The following CRAMP1 variants were observed in gnomAD, a reference collection of about 807,000 sequenced individuals.
CRAMP1 encodes protein cramped-like.
A neutral mutation model predicts 115.4 loss-of-function variants in CRAMP1; 50 were observed. The ratio of observed to expected loss-of-function variants is 0.43; its 90% confidence interval spans 0.35 to 0.55. The LOEUF (loss-of-function observed/expected upper bound fraction) is 0.55, where lower values mean the gene tolerates loss of function less well. Among genes scored for constraint, CRAMP1 ranks in the 20% least tolerant of loss-of-function variants. CRAMP1 has a pLI of 0.01. For synonymous variants in CRAMP1, 866 were observed against 745.4 expected (o/e 1.16, Z -2.64); for missense variants, 1,679 against 1,721.7 (o/e 0.98, Z 0.44).
intron 6 of CRAMP1, chr16:1,645,491 T>C (rs1295109366): frequency 6.2e-6 from 1 of 162,012 alleles, no homozygotes; most frequent in African/African-American, 2.4e-5. Context: ...TGCATTCGCG[T>C]GGTCCTTTTA....
In CRAMP1 at chr16:1,667,398, C is replaced by T. The variant is rs2036884914; in HGVS notation, c.3100C>T (p.Gln1034Ter). 2.5e-6 allele frequency: 4 copies of T among 1,611,994 alleles called. No individual in the cohort carries two copies. The highest frequency in any genetic ancestry group is 2.5e-6 in the Non-Finnish European group (3 of 1,179,314). Residue 1034 changes from glutamine (Q) to a stop codon, truncating the protein, a stop_gained and splice_region_variant, in exon 17 of 21, where the codon CAG becomes TAG. Coordinates refer to ENST00000397412, the MANE Select transcript of CRAMP1 (RefSeq NM_020825.4). LOFTEE classifies it high-confidence loss of function. ...PEQEPVADSF[Q>*]GSSVLSLSEL... ...GCAGGAGCCAGTGGCAGACAGTTTC[C>T]AGGTAGAGTGTGCTCTTGGGCTGCT... is the stretch of plus-strand genomic sequence containing the variant.
In CRAMP1 at chr16:1,666,015, T is replaced by G; in HGVS notation, c.2753-58T>G. Reference sequence around the variant, plus strand: ...AAGGAAGCCCCCTGCGGCCACATCCTGCTGTGAGGGCATGGCGGGCGGGCT... The same window carrying G: ...AAGGAAGCCCCCTGCGGCCACATCCGGCTGTGAGGGCATGGCGGGCGGGCT... On this transcript the variant is annotated intron_variant, in intron 14 of 20. Transcript: ENST00000397412. This position sits in a 1 kb window ranked among gnomAD's most constrained non-coding sequence, Gnocchi z 5.0. The G allele has an allele frequency of 8.3e-7, 1 of 1,200,222 alleles. No homozygotes were observed. Among genetic ancestry groups the G allele is most frequent in the Non-Finnish European group, 1.2e-6 (1 of 826,496 alleles). 74.3% of individuals were successfully genotyped at this position (1,200,222 alleles called of 1,614,324 possible).
chr16:1,637,852 C>T lies in CRAMP1; in HGVS notation c.723C>T (p.Ser241=). 1.3e-6 allele frequency: 2 copies of T among 1,568,592 alleles called. No homozygotes were observed. The highest frequency in any genetic ancestry group is 1.7e-6 in the Non-Finnish European group (2 of 1,159,570). ...TCTCTCGAGGCCTGAAGAAGTCATC[C>T]CAGGAACTGTATGGCCTGATCTGCT... ...HVFSRGLKKS[S]QELYGLICYG... Residue 241 remains serine, a synonymous_variant, in exon 5 of 21, where the codon TCC becomes TCT. Coordinates refer to ENST00000397412, the MANE Select transcript of CRAMP1 (RefSeq NM_020825.4).
chr16:1,649,015 T>C (rs905181090), intron 6 of CRAMP1, among the ~76,000 whole-genome samples: 4 of 151,180 alleles, frequency 2.6e-5, no homozygotes, highest in African/African-American at 7.3e-5. Context: ...GCTGAGATCA[T>C]GCCACTGCAG....
Position 1,632,514 on chromosome 16 carries a change from G to A in CRAMP1, c.694+149G>A, listed in dbSNP as rs1230672979. 3.7e-6 allele frequency: 3 copies of A among 810,534 alleles called. No individual in the cohort carries two copies. In the East Asian group the frequency reaches 8.1e-5, roughly 22 times the overall value. 50.2% of individuals were successfully genotyped at this position (810,534 alleles called of 1,614,324 possible). ...GGGGCTCCTCGCCTTGCAGCGCTTT[G>A]GCTGATTGTGTGCTGTCTAACTCGG... On this transcript the variant is annotated intron_variant, in intron 4 of 20. Coordinates refer to ENST00000397412, the MANE Select transcript of CRAMP1 (RefSeq NM_020825.4).
intron 10 of CRAMP1, among the ~76,000 whole-genome samples, 168 bp from the exon 11 acceptor site, chr16:1,659,718 A>G (rs12922803): frequency 0.18 from 27,060 of 152,214 alleles, 3,170 homozygotes; most frequent in African/African-American, 0.32. Context: ...GCAAGCTGCC[A>G]AGCGACTCTG....
At chr16:1,645,827 C>T (rs1161180851) in intron 6 of CRAMP1, among the ~76,000 whole-genome samples, 1 of 152,160 alleles carries the variant, frequency 6.6e-6, no homozygotes, top group Non-Finnish European at 1.5e-5. Flanking sequence ...GTAGATTGGC[C>T]TCTTCACTTA....
rs1269469769 is a variant in CRAMP1, at chr16:1,632,143, G to GTCTC, written c.541-69_541-68insTCTC. Reference sequence around the variant, plus strand: ...TTCTCCTTTCTCGGAACCTTGGAAAGGGTCCAGTTAACACAGAAAGCTGCA... The same window carrying GTCTC: ...TTCTCCTTTCTCGGAACCTTGGAAAGTCTCGGTCCAGTTAACACAGAAAGCTGCA... On this transcript the variant is annotated intron_variant, in intron 3 of 20. Coordinates refer to ENST00000397412, the MANE Select transcript of CRAMP1 (RefSeq NM_020825.4). The GTCTC allele has an allele frequency of 4.8e-6, 7 of 1,468,524 alleles. No individual in the cohort carries two copies. In the African/African-American group the frequency reaches 1.0e-4, roughly 21 times the overall value. 91.0% of individuals were successfully genotyped at this position (1,468,524 alleles called of 1,614,324 possible). A position where few individuals can be genotyped will look rare whatever the true frequency, so the allele number is the denominator to read the frequency against.
intron 3 of CRAMP1, among the ~76,000 whole-genome samples, chr16:1,630,843 T>C (rs1444579480): frequency 6.6e-6 from 1 of 152,246 alleles, no homozygotes; most frequent in Non-Finnish European, 1.5e-5. Context: ...GATTCTATGT[T>C]ACGCATTTCT....
chr16:1,643,281 G>A (rs1290556831), intron 6 of CRAMP1, among the ~76,000 whole-genome samples: 5 of 152,102 alleles, frequency 3.3e-5, no homozygotes, highest in African/African-American at 1.2e-4. Context: ...AGTGGCTCAC[G>A]CCTGAAATCC....
In CRAMP1 at chr16:1,614,027, C is replaced by A. The variant is rs1179496663; in HGVS notation, c.-1-612C>A. The stretch of plus-strand genomic sequence containing the variant: ...GCGCTTCTCCCGTCCCGGGGTGGAT[C>A]CGGCCTCCTCTGTCCTCCTCCAGGG... On this transcript the variant is annotated intron_variant, in intron 1 of 20. Transcript: ENST00000397412. The surrounding 1 kb of genome is among the most constrained non-coding windows in gnomAD (Gnocchi z 4.4). Among the ~76,000 whole-genome samples, 1 of 151,256 alleles carries A rather than the reference C, an allele frequency of 6.6e-6. No homozygotes were observed. The highest frequency in any genetic ancestry group is 1.5e-5 in the Non-Finnish European group (1 of 67,776).
chr16:1,673,627 G>A (rs1383095332), intron 20 of CRAMP1, among the ~76,000 whole-genome samples: 2 of 152,222 alleles, frequency 1.3e-5, no homozygotes, highest in South Asian at 2.1e-4. Flanking sequence ...ATGGCGGGCG[G>A]GGGGACCAGC....
intron 18 of CRAMP1, among the ~76,000 whole-genome samples, chr16:1,668,781 C>T (rs113346003): frequency 6.6e-5 from 10 of 152,304 alleles, no homozygotes; most frequent in African/African-American, 1.9e-4. Flanking sequence ...ATGTGCAACC[C>T]GTGGTGGCTA....
intron 2 of CRAMP1, among the ~76,000 whole-genome samples, chr16:1,617,489 T>G (rs532123642): frequency 6.6e-6 from 1 of 152,250 alleles, no homozygotes; most frequent in African/African-American, 2.4e-5. Context: ...TGGAGAAATC[T>G]GCATCTGGAG....
intron 3 of CRAMP1, among the ~76,000 whole-genome samples, chr16:1,628,725 T>G (rs564808156): frequency 6.6e-6 from 1 of 152,322 alleles, no homozygotes; most frequent in South Asian, 2.1e-4. Flanking sequence ...TTCTGCCATG[T>G]TGTCATGGCC....
At chr16:1,639,869 C>T (rs1192743003) in intron 5 of CRAMP1, among the ~76,000 whole-genome samples, 1 of 152,178 alleles carries the variant, frequency 6.6e-6, no homozygotes, top group African/African-American at 2.4e-5. Context: ...GTGAATTGGC[C>T]TTAGGTTCCC....
chr16:1,628,082 T>G (rs2036520986), intron 3 of CRAMP1, among the ~76,000 whole-genome samples: 1 of 152,204 alleles, frequency 6.6e-6, no homozygotes. Flanking sequence ...CCCATTGGGT[T>G]AAGCTGCTCA....
At position 1,670,673 on chromosome 16, in the gene CRAMP1, T is replaced by C. The variant is rs1452975315; in HGVS notation, c.3509T>C (p.Ile1170Thr). Residue 1170 changes from isoleucine to threonine, a missense_variant, in exon 20 of 21, where the codon ATC becomes ACC. Coordinates refer to ENST00000397412, the MANE Select transcript of CRAMP1 (RefSeq NM_020825.4). ...SSLSSLFASF[I>T]SPEKSRKMLP... Reference sequence around the variant, plus strand: ...GGCCTTTTCTCCGCAGCAAGCTTCATCTCCCCAGAGAAGAGCCGGAAGATG... The same window carrying C: ...GGCCTTTTCTCCGCAGCAAGCTTCACCTCCCCAGAGAAGAGCCGGAAGATG... The C allele has an allele frequency of 1.2e-6, 2 of 1,613,888 alleles. No homozygotes were observed. Among genetic ancestry groups the C allele is most frequent in the Non-Finnish European group, 1.7e-6 (2 of 1,179,856 alleles).
At chr16:1,634,967 C>G (rs1168827899) in intron 4 of CRAMP1, among the ~76,000 whole-genome samples, 2 of 152,208 alleles carry the variant, frequency 1.3e-5, no homozygotes, top group Non-Finnish European at 2.9e-5. Flanking sequence ...GGCGCACTCT[C>G]AGCTCACTGT....
Sources: gnomAD v4.1 joint callset for allele counts (sites outside exome capture counted in the v4.1 genomes callset) on GRCh38, gnomAD v4.1.1 for gene constraint, Gnocchi (gnomAD v3.1) non-coding constraint, MANE v1.5 for transcripts, NCBI Gene and HGNC (gene_info 2026-07-23, HGNC 2026-07-21) for gene names.